The following IL1RAPL1 variants were observed in gnomAD, a reference collection of about 807,000 sequenced individuals.
The protein encoded by IL1RAPL1 is interleukin-1 receptor accessory protein-like 1.
In IL1RAPL1, 3 loss-of-function variants were observed where a neutral mutation model predicts 48.4. The observed-to-expected ratio is 0.06, with a 90% CI of 0.03 to 0.16. IL1RAPL1 has a LOEUF of 0.16. IL1RAPL1 is among the 10% of genes least tolerant of loss of function. The probability of loss-of-function intolerance (pLI) is 1.00; values close to 1 mark genes in which losing one functional copy is unlikely to be tolerated. For missense variants in IL1RAPL1, 349 were observed against 530.6 expected, an observed-to-expected ratio of 0.66 and a Z score of 3.36; for synonymous variants, 185 against 187.7, an observed-to-expected ratio of 0.99 and a Z score of 0.12.
intron 5 of IL1RAPL1, among the ~76,000 whole-genome samples, chrX:29,492,291 C>G (rs181578746): frequency 8.9e-6 from 1 of 112,010 alleles, no homozygotes; most frequent in African/African-American, 3.2e-5. Flanking sequence ...TTGCTCTTAG[C>G]CTTTTGCAAA....
intron 5 of IL1RAPL1, among the ~76,000 whole-genome samples, chrX:29,534,059 A>G (rs1480438269): frequency 3.6e-5 from 4 of 111,788 alleles, no homozygotes; most frequent in African/African-American, 9.8e-5. Flanking sequence ...CCACCATGAG[A>G]TGACCTTCAC....
chrX:28,735,122 G>A (rs1207532632), intron 1 of IL1RAPL1, among the ~76,000 whole-genome samples: 1 of 111,747 alleles, frequency 8.9e-6, no homozygotes, highest in Non-Finnish European at 1.9e-5. Flanking sequence ...TGCCAACTGT[G>A]ATTTCCAATT....
At chrX:29,178,435 G>A (rs1930073171) in intron 2 of IL1RAPL1, among the ~76,000 whole-genome samples, 1 of 111,975 alleles carries the variant, frequency 8.9e-6, no homozygotes, top group African/African-American at 3.2e-5. Flanking sequence ...ACTTTTGGAT[G>A]GGGTTGTTTG....
chrX:29,420,394 G>A (rs1022067640), intron 5 of IL1RAPL1, among the ~76,000 whole-genome samples: 11 of 112,246 alleles, frequency 9.8e-5, no homozygotes, highest in African/African-American at 2.9e-4. Context: ...CTTTCTACAC[G>A]GTTTCTCCAT....
chrX:28,971,696 G>A (rs771514714), intron 2 of IL1RAPL1, among the ~76,000 whole-genome samples: 1 of 111,215 alleles, frequency 9.0e-6, no homozygotes, highest in Admixed American at 9.6e-5. Flanking sequence ...TTGGCAGAAC[G>A]ATCAATGAGA....
intron 6 of IL1RAPL1, among the ~76,000 whole-genome samples, chrX:29,770,351 T>C (rs922401822): frequency 1.4e-4 from 16 of 112,264 alleles, no homozygotes; most frequent in Admixed American, 8.5e-4. Flanking sequence ...AAATGCTTTT[T>C]TTTTAATAAC....
chrX:28,953,039 T>A (rs1924513162), intron 2 of IL1RAPL1, among the ~76,000 whole-genome samples: 1 of 111,478 alleles, frequency 9.0e-6, no homozygotes, highest in African/African-American at 3.2e-5. Flanking sequence ...AAATAATTAC[T>A]CGCTGTTTAA....
At chrX:29,329,306 T>G (rs1921260386) in intron 3 of IL1RAPL1, among the ~76,000 whole-genome samples, 1 of 111,625 alleles carries the variant, frequency 9.0e-6, no homozygotes, top group South Asian at 3.7e-4. Context: ...CATATTTAAA[T>G]TCTTATGTAA....
intron 2 of IL1RAPL1, among the ~76,000 whole-genome samples, chrX:29,250,423 T>C: frequency 9.0e-6 from 1 of 111,281 alleles, no homozygotes; most frequent in Non-Finnish European, 1.9e-5. Flanking sequence ...CATGAAACTA[T>C]GGCTTGTGAA....
chrX:29,758,771 C>T (rs1246053388), intron 6 of IL1RAPL1, among the ~76,000 whole-genome samples: 1 of 110,338 alleles, frequency 9.1e-6, no homozygotes, highest in African/African-American at 3.3e-5. Flanking sequence ...GGCCATTATT[C>T]CTAATGTAAA....
At chrX:28,694,055 GCA>G (rs1935205408) in intron 1 of IL1RAPL1, among the ~76,000 whole-genome samples, 1 of 111,280 alleles carries the variant, frequency 9.0e-6, no homozygotes, top group Non-Finnish European at 1.9e-5. Flanking sequence ...TTACCTTCCT[GCA>G]CAGAGTCTCC....
intron 5 of IL1RAPL1, among the ~76,000 whole-genome samples, chrX:29,477,825 A>G (rs1934994685): frequency 8.9e-6 from 1 of 111,978 alleles, no homozygotes; most frequent in Non-Finnish European, 1.9e-5. Flanking sequence ...AAACTTCTGT[A>G]CCAAAAAAAT....
At chrX:29,092,691 T>G (rs1466788409) in intron 2 of IL1RAPL1, among the ~76,000 whole-genome samples, 1 of 111,905 alleles carries the variant, frequency 8.9e-6, no homozygotes, top group East Asian at 2.8e-4. Flanking sequence ...TCTTCAGGAT[T>G]AAAAAAATAT....
chrX:29,347,614 T>A (rs1199847794), intron 3 of IL1RAPL1, among the ~76,000 whole-genome samples: 1 of 110,348 alleles, frequency 9.1e-6, no homozygotes, highest in Non-Finnish European at 1.9e-5. Context: ...GGTCTCAAAC[T>A]CCTGGGCTCA....
intron 1 of IL1RAPL1, among the ~76,000 whole-genome samples, chrX:28,589,311 A>G (rs1933883796): frequency 9.0e-6 from 1 of 111,588 alleles, no homozygotes; most frequent in Non-Finnish European, 1.9e-5. Flanking sequence ...ATGATTGTAT[A>G]GAGAGAGGCT....
At chrX:29,681,385 C>T (rs190125095) in intron 6 of IL1RAPL1, among the ~76,000 whole-genome samples, 46 of 112,107 alleles carry the variant, frequency 4.1e-4, no homozygotes, top group Middle Eastern at 4.7e-3. Flanking sequence ...ACCCAAGAAG[C>T]AAGGAGTTTA....
chrX:29,267,506 A>G (rs865794049), intron 2 of IL1RAPL1, among the ~76,000 whole-genome samples: 26 of 112,004 alleles, frequency 2.3e-4, no homozygotes, highest in Admixed American at 7.6e-4. Flanking sequence ...TAGCACAGCC[A>G]GACTTGGCAT....
chrX:28,768,755 C>CTCTCTCTCTCTCTCTATATA (rs1364972830), intron 1 of IL1RAPL1, among the ~76,000 whole-genome samples: 1 of 34,890 alleles, frequency 2.9e-5, no homozygotes, highest in Non-Finnish European at 4.8e-5. Flanking sequence ...CTCTCTCTCT[C>CTCTCTCTCTCTCTCTATATA]TATATATATA....
At chrX:28,669,226 G>C (rs772247865) in intron 1 of IL1RAPL1, among the ~76,000 whole-genome samples, 4 of 111,510 alleles carry the variant, frequency 3.6e-5, no homozygotes, top group Non-Finnish European at 7.5e-5. Flanking sequence ...AACTGGACCA[G>C]AAATTTATCA....
Sources: allele counts gnomAD v4.1 joint callset (sites outside exome capture counted in the v4.1 genomes callset), GRCh38; gene constraint gnomAD v4.1.1; transcripts MANE v1.5; gene names NCBI Gene and HGNC (gene_info 2026-07-23, HGNC 2026-07-21).